FYN: variants seen among roughly 807,000 people sequenced by gnomAD.
FYN encodes the protein tyrosine-protein kinase Fyn.
FYN carries 10 observed loss-of-function variants against 70.2 expected under a neutral mutation model. The observed-to-expected ratio is 0.14, with a 90% CI of 0.09 to 0.24. FYN has a LOEUF of 0.24. Among genes scored for constraint, FYN ranks in the 10% least tolerant of loss-of-function variants. FYN has a pLI of 1.00. For missense variants in FYN, 319 were observed against 673.1 expected, an observed-to-expected ratio of 0.47 and a Z score of 5.82; for synonymous variants, 236 against 248.6, an observed-to-expected ratio of 0.95 and a Z score of 0.48.
chr6:111,665,549 T>C (rs1797955314), intron 13 of FYN, among the ~76,000 whole-genome samples: 1 of 152,282 alleles, frequency 6.6e-6, no homozygotes, highest in South Asian at 2.1e-4. Context: ...AACACGAGTT[T>C]GGGCACCAGG....
At chr6:111,695,419 T>C (rs2128437414) in intron 10 of FYN, among the ~76,000 whole-genome samples, 1 of 152,292 alleles carries the variant, frequency 6.6e-6, no homozygotes, top group East Asian at 1.9e-4. Flanking sequence ...AGAGCCACTA[T>C]TATAACACAG....
intron 2 of FYN, among the ~76,000 whole-genome samples, chr6:111,785,619 C>T (rs1771338300): frequency 6.6e-6 from 1 of 152,036 alleles, no homozygotes; most frequent in African/African-American, 2.4e-5. Flanking sequence ...AGAGACTTGC[C>T]CAAGTTCTTA....
intron 2 of FYN, among the ~76,000 whole-genome samples, chr6:111,821,212 C>T (rs1258569445): frequency 5.9e-5 from 9 of 151,776 alleles, no homozygotes; most frequent in Admixed American, 1.3e-4. Context: ...CTGGAGGCAT[C>T]ACACTACCTG....
chr6:111,861,717 C>T (rs1008176978), intron 1 of FYN, among the ~76,000 whole-genome samples: 1 of 152,212 alleles, frequency 6.6e-6, no homozygotes, highest in Non-Finnish European at 1.5e-5. Flanking sequence ...GCTGAGAAGG[C>T]TCTTCATGAA....
intron 3 of FYN, among the ~76,000 whole-genome samples, chr6:111,743,025 GGCACGATCTCGGCTCGTTGCAA>G (rs1398918972): frequency 2.0e-5 from 3 of 150,918 alleles, no homozygotes; most frequent in African/African-American, 7.3e-5. Flanking sequence ...GGAGTGCAGT[GGCACGATCTCGGCTCGTTGCAA>G]CCTCTGCCTC....
Position 111,661,701 on chromosome 6 carries a change from A to G in FYN, c.*38T>C, listed in dbSNP as rs1254494949. 1.3e-5 allele frequency: 20 copies of G among 1,577,040 alleles called. No homozygotes were observed. The highest frequency in any genetic ancestry group is 1.7e-5 in the Non-Finnish European group (20 of 1,153,986). Reference sequence around the variant, plus strand: ...GAAAGCTAATGGGGAGGGGTGGGGCAGCCTCTGGGACAAGGCCTCTCTCCG... The same window carrying G: ...GAAAGCTAATGGGGAGGGGTGGGGCGGCCTCTGGGACAAGGCCTCTCTCCG... On this transcript the variant is annotated 3_prime_UTR_variant, in exon 14 of 14. Transcript: ENST00000354650. This position sits in a 1 kb window ranked among gnomAD's most constrained non-coding sequence, Gnocchi z 4.0.
intron 2 of FYN, among the ~76,000 whole-genome samples, chr6:111,841,010 G>A (rs1340054689): frequency 1.3e-5 from 2 of 152,106 alleles, no homozygotes. Flanking sequence ...ATTGTAACGT[G>A]GGCAGCATTT....
chr6:111,725,191 T>C (rs1365721058), intron 3 of FYN, among the ~76,000 whole-genome samples: 1 of 152,184 alleles, frequency 6.6e-6, no homozygotes, highest in East Asian at 1.9e-4. Context: ...GGACTTTTGC[T>C]ACATTCTCAG....
intron 3 of FYN, among the ~76,000 whole-genome samples, chr6:111,753,817 C>T (rs149016487): frequency 1.3e-4 from 20 of 152,282 alleles, no homozygotes; most frequent in African/African-American, 4.1e-4. Flanking sequence ...GCATTAGCTC[C>T]GGCCTCACTT....
chr6:111,735,453 T>C (rs917565465), intron 3 of FYN, among the ~76,000 whole-genome samples: 2 of 152,228 alleles, frequency 1.3e-5, no homozygotes, highest in East Asian at 1.9e-4. Flanking sequence ...ATTATCATCA[T>C]CATCAATGAA....
chr6:111,814,642 A>C (rs1427080200), intron 2 of FYN, among the ~76,000 whole-genome samples: 1 of 152,212 alleles, frequency 6.6e-6, no homozygotes, highest in East Asian at 1.9e-4. Context: ...AATTTCACCC[A>C]GTGGCAAAGA....
chr6:111,797,707 T>TAC (rs1771857523), intron 2 of FYN, among the ~76,000 whole-genome samples: 1 of 90,912 alleles, frequency 1.1e-5, no homozygotes, highest in African/African-American at 5.3e-5. Flanking sequence ...TATATATATA[T>TAC]ATATACACAC....
At chr6:111,789,303 A>T (rs1174555615) in intron 2 of FYN, among the ~76,000 whole-genome samples, 2 of 152,156 alleles carry the variant, frequency 1.3e-5, no homozygotes, top group African/African-American at 2.4e-5. Flanking sequence ...GCTGGACTGG[A>T]GAGATAAAGA....
intron 2 of FYN, among the ~76,000 whole-genome samples, chr6:111,782,484 G>T (rs1214759356): frequency 1.3e-5 from 2 of 152,166 alleles, no homozygotes; most frequent in Non-Finnish European, 2.9e-5. Context: ...TCTATATTTA[G>T]ACTATAAATT....
intron 2 of FYN, among the ~76,000 whole-genome samples, chr6:111,782,625 G>A (rs192009307): frequency 1.3e-5 from 2 of 152,248 alleles, no homozygotes; most frequent in Non-Finnish European, 2.9e-5. Context: ...CAATATAGAG[G>A]GCGCCTGTGT....
intron 3 of FYN, among the ~76,000 whole-genome samples, chr6:111,764,719 C>G (rs980055526): frequency 1.4e-4 from 22 of 152,210 alleles, no homozygotes; most frequent in Admixed American, 1.3e-3. Context: ...ACTCGTAGAG[C>G]TAAGGGGTTC....
At chr6:111,718,799 C>T (rs182016067) in intron 4 of FYN, among the ~76,000 whole-genome samples, 1 of 151,680 alleles carries the variant, frequency 6.6e-6, no homozygotes, top group South Asian at 2.1e-4. Context: ...TGAGGGTGAA[C>T]ATAAATACTT....
intron 2 of FYN, among the ~76,000 whole-genome samples, chr6:111,812,236 G>A (rs1337240699): frequency 3.3e-5 from 5 of 152,206 alleles, no homozygotes; most frequent in Non-Finnish European, 7.3e-5. Context: ...GCTGTGGCTG[G>A]GCAGGAGTGG....
Position 111,721,495 on chromosome 6 carries a change from T to C in FYN, c.-11-1433A>G, listed in dbSNP as rs557528828. Among the ~76,000 whole-genome samples the C allele has an allele frequency of 7.2e-5, 11 of 151,944 alleles. No individual in the cohort carries two copies. In the East Asian group the frequency reaches 1.9e-3, roughly 27 times the overall value. On this transcript the variant is annotated intron_variant, in intron 3 of 13. Coordinates refer to ENST00000354650, the MANE Select transcript of FYN (RefSeq NM_002037.5). ...CCCAGGCTGGAGTGCAGTGGAGCGA[T>C]CTTGGCTCACTACAACCTCTGCCTC...
Sources: gnomAD v4.1 joint callset for allele counts (sites outside exome capture counted in the v4.1 genomes callset) on GRCh38, gnomAD v4.1.1 for gene constraint, Gnocchi (gnomAD v3.1) non-coding constraint, MANE v1.5 for transcripts, NCBI Gene and HGNC (gene_info 2026-07-23, HGNC 2026-07-21) for gene names.